The following MED18 variants were observed in gnomAD, a reference collection of about 807,000 sequenced individuals.
MED18 encodes mediator complex subunit 18, also known as mediator of RNA polymerase II transcription subunit 18.
A neutral mutation model predicts 13.9 loss-of-function variants in MED18; 10 were observed. The observed-to-expected ratio is 0.72, with a 90% CI of 0.44 to 1.22. The LOEUF (loss-of-function observed/expected upper bound fraction) is 1.22, where lower values mean the gene tolerates loss of function less well. MED18 is among the 50% of genes most tolerant of loss of function. The pLI is 0.00. For missense variants in MED18, 216 were observed against 279.0 expected, an observed-to-expected ratio of 0.77 and a Z score of 1.61; for synonymous variants, 88 against 93.2, an observed-to-expected ratio of 0.94 and a Z score of 0.32.
chr1:28,329,763 C>CGGG (rs969348913), intron 1 of MED18, among the ~76,000 whole-genome samples: 1 of 152,128 alleles, frequency 6.6e-6, no homozygotes, highest in Middle Eastern at 3.4e-3. Context: ...GAAAAGCGTA[C>CGGG]GGGGGAAGGC....
Position 28,330,695 on chromosome 1 carries a change from C to A in MED18, c.33C>A (p.Val11=). Residue 11 remains valine, a synonymous_variant, in exon 2 of 3, where the codon GTC becomes GTA. Transcript: ENST00000373842. ...CACCTCCAGTCACCATGATGCCTGT[C>A]ACTGGGGGCACCATTAACATGATGG... The part of the protein sequence containing the change: MEAPPVTMMP[V]TGGTINMMEY... The A allele has an allele frequency of 6.2e-7, 1 of 1,604,708 alleles. No homozygotes were observed. Among genetic ancestry groups the A allele is most frequent in the South Asian group, 1.1e-5 (1 of 89,260 alleles).
intron 2 of MED18, among the ~76,000 whole-genome samples, chr1:28,332,205 G>A (rs1352777735): frequency 6.6e-6 from 1 of 151,950 alleles, no homozygotes; most frequent in Admixed American, 6.6e-5. Flanking sequence ...TTGAGTTCGG[G>A]AATTCAGGAT....
chr1:28,333,807 C>T (rs1168285174), intron 2 of MED18, among the ~76,000 whole-genome samples: 1 of 152,188 alleles, frequency 6.6e-6, no homozygotes, highest in Non-Finnish European at 1.5e-5. Flanking sequence ...TTGCAGTGAG[C>T]TGAGATCGCA....
chr1:28,333,644 G>A (rs1215880313), intron 2 of MED18, among the ~76,000 whole-genome samples: 4 of 152,126 alleles, frequency 2.6e-5, no homozygotes, highest in Non-Finnish European at 4.4e-5. Context: ...GGCGGATCAC[G>A]AGGTCAAGAG....
intron 1 of MED18, 92 bp from the exon 2 acceptor site, chr1:28,330,505 A>G: frequency 1.9e-6 from 1 of 530,596 alleles, no homozygotes; most frequent in Non-Finnish European, 3.3e-6. Context: ...AACGTTTTTG[A>G]ATGAATGAAT....
At chr1:28,334,319 A>C (rs1373147705) in intron 2 of MED18, 98 bp from the exon 3 acceptor site, 5 of 1,319,148 alleles carry the variant, frequency 3.8e-6, no homozygotes, top group Non-Finnish European at 5.2e-6. Context: ...ATGCTTCACT[A>C]AACTGTTTTG....
In MED18 at chr1:28,334,805, A is replaced by C. The variant is rs143128541; in HGVS notation, c.462A>C (p.Pro154=). The change falls in exon 3 of 3, where the codon CCA becomes CCC. Residue 154 remains proline (P), a synonymous_variant. Coordinates refer to ENST00000373842, the MANE Select transcript of MED18 (RefSeq NM_017638.3). ...MVYKIFRILV[P]GNTDSTEALS... is the part of the protein sequence containing the mutation. ...ACAAGATTTTCCGCATCCTGGTGCC[A>C]GGGAACACAGACAGCACTGAGGCCT... The C allele has an allele frequency of 4.0e-5, 64 of 1,614,084 alleles. No homozygotes were observed. Among genetic ancestry groups the C allele is most frequent in the Non-Finnish European group, 5.3e-5 (63 of 1,180,046 alleles).
intron 2 of MED18, among the ~76,000 whole-genome samples, chr1:28,332,354 A>G (rs995674065): frequency 6.6e-6 from 1 of 151,836 alleles, no homozygotes; most frequent in Non-Finnish European, 1.5e-5. Context: ...GAGGCTGCAA[A>G]GAGTTATAAT....
At chr1:28,330,275 CAAA>C (rs35222016) in intron 1 of MED18, 190 of 53,186 alleles carry the variant, frequency 3.6e-3, no homozygotes, top group South Asian at 0.016. Context: ...AACTCCGTCT[CAAA>C]AAAAAAAAAA....
Position 28,330,615 on chromosome 1 carries a change from C to T in MED18, c.-48C>T. On this transcript the variant is annotated 5_prime_UTR_variant, in exon 2 of 3. Coordinates refer to ENST00000373842, the MANE Select transcript of MED18 (RefSeq NM_017638.3). The stretch of plus-strand genomic sequence containing the variant: ...TTTCCAGGTATATCCCGTGCCTTAC[C>T]TGACTGGGGGCTCTGAGTCCAGTTG... 6.6e-7 allele frequency: 1 copy of T among 1,511,836 alleles called. No homozygotes were observed. The highest frequency in any genetic ancestry group is 9.1e-7 in the Non-Finnish European group (1 of 1,097,126). 93.7% of individuals were successfully genotyped at this position (1,511,836 alleles called of 1,614,324 possible).
intron 2 of MED18, 178 bp downstream of exon 2, chr1:28,330,913 C>G (rs1390537684): frequency 6.6e-5 from 27 of 411,574 alleles, no homozygotes; most frequent in African/African-American, 8.7e-5. Context: ...GCCATCTTGG[C>G]TGGGCATGGT....
Position 28,334,593 on chromosome 1 carries a change from C to T in MED18, c.250C>T (p.His84Tyr), listed in dbSNP as rs778624857. Reference protein sequence around the residue: ...RSMDRAGAPWHLRYLGQPEMG... With the variant: ...RSMDRAGAPWYLRYLGQPEMG... ...TATGGACAGGGCAGGGGCACCCTGG[C>T]ATCTGCGCTACCTGGGACAGCCAGA... is the stretch of plus-strand genomic sequence containing the variant. Residue 84 changes from histidine to tyrosine, a missense_variant, in exon 3 of 3, where the codon CAT becomes TAT. Transcript: ENST00000373842. 5.6e-6 allele frequency: 9 copies of T among 1,614,080 alleles called. No individual in the cohort carries two copies. Among genetic ancestry groups the T allele is most frequent in the Middle Eastern group, 3.3e-4 (2 of 6,084 alleles).
chr1:28,330,373 C>T (rs1183305269), intron 1 of MED18: 2 of 264,778 alleles, frequency 7.6e-6, no homozygotes, highest in Non-Finnish European at 1.5e-5. Flanking sequence ...CAAGATTGCA[C>T]AGGTAATGTG....
At chr1:28,333,925 G>A (rs1156948544) in intron 2 of MED18, among the ~76,000 whole-genome samples, 1 of 152,158 alleles carries the variant, frequency 6.6e-6, no homozygotes, top group Non-Finnish European at 1.5e-5. Flanking sequence ...GGAAATAGAA[G>A]GCAATTGTTA....
chr1:28,330,542 CAG>C, intron 1 of MED18, 53 bp from the exon 2 acceptor site: 2 of 670,338 alleles, frequency 3.0e-6, no homozygotes. Flanking sequence ...AGTGCCACAA[CAG>C]ATCTGGTCTC....
At chr1:28,333,785 A>G (rs1256276488) in intron 2 of MED18, among the ~76,000 whole-genome samples, 1 of 152,198 alleles carries the variant, frequency 6.6e-6, no homozygotes, top group East Asian at 1.9e-4. Flanking sequence ...GCTTGAACCC[A>G]GGAGGTGGAG....
At position 28,335,638 on chromosome 1, in the gene MED18, A is replaced by C. The variant is rs938110896; in HGVS notation, c.*668A>C. ...AGGAGTTTGAGACCAGCCTGGCCAA[A>C]TGGTGAAACCCCATCTCTACGAAAA... On this transcript the variant is annotated 3_prime_UTR_variant, in exon 3 of 3. Transcript: ENST00000373842. 6.6e-6 allele frequency: 1 copy of C among 151,942 alleles called. No homozygotes were observed. The highest frequency in any genetic ancestry group is 1.5e-5 in the Non-Finnish European group (1 of 67,998). The allele number at this position is 151,942 out of a possible 1,614,324, so 9.4% of individuals were successfully genotyped here.
chr1:28,334,757 G>T lies in MED18; in HGVS notation c.414G>T (p.Lys138Asn). The change falls in exon 3 of 3, where the codon AAG (lysine) becomes AAT (asparagine). Residue 138 changes from lysine (K) to asparagine (N), a missense_variant. Physicochemically the swap from Lys to Asn is moderately conservative, Grantham distance 94. Coordinates refer to ENST00000373842, the MANE Select transcript of MED18 (RefSeq NM_017638.3). ...EFVAKGHLFR[K>N]GIMKIMVYKI... is the part of the protein sequence containing the mutation. ...TTGCTAAGGGACATTTGTTCCGTAA[G>T]GGCATCATGAAGATTATGGTGTACA... is the stretch of plus-strand genomic sequence containing the variant. 1.2e-6 allele frequency: 2 copies of T among 1,614,176 alleles called. No individual in the cohort carries two copies. Among genetic ancestry groups the T allele is most frequent in the East Asian group, 4.5e-5 (2 of 44,888 alleles).
intron 2 of MED18, among the ~76,000 whole-genome samples, chr1:28,333,657 C>G (rs367832999): frequency 4.5e-4 from 68 of 152,202 alleles, no homozygotes; most frequent in Non-Finnish European, 1.8e-4. Flanking sequence ...GTCAAGAGAT[C>G]GAGACCATCC....
Sources: gnomAD v4.1 joint callset for allele counts (sites outside exome capture counted in the v4.1 genomes callset) on GRCh38, gnomAD v4.1.1 for gene constraint, MANE v1.5 for transcripts, NCBI Gene and HGNC (gene_info 2026-07-23, HGNC 2026-07-21) for gene names.